The following SLC22A23 variants were observed in gnomAD, a reference collection of about 807,000 sequenced individuals.
SLC22A23 encodes the protein ion transporter protein.
In SLC22A23, 26 loss-of-function variants were observed where a neutral mutation model predicts 61.0. The ratio of observed to expected loss-of-function variants is 0.43; its 90% confidence interval spans 0.31 to 0.59. The LOEUF is 0.59. Among genes scored for constraint, SLC22A23 ranks in the 20% least tolerant of loss-of-function variants. The pLI, the probability that SLC22A23 is intolerant of heterozygous loss-of-function variation, is 0.11. For missense variants in SLC22A23, 796 were observed against 934.7 expected (o/e 0.85, Z 1.94); for synonymous variants, 430 against 413.9 (o/e 1.04, Z -0.47).
At position 3,432,305 on chromosome 6, in the gene SLC22A23, T is replaced by C. The variant is rs573810185; in HGVS notation, c.655-16450A>G. ...GCTCCTTCCACAATCACTCAGGCTT[T>C]GAGGGTAGGCTGGCTGTGAGACTTT... is the stretch of plus-strand genomic sequence containing the variant. On this transcript the variant is annotated intron_variant, in intron 1 of 9. Coordinates refer to ENST00000406686, the MANE Select transcript of SLC22A23 (RefSeq NM_015482.2). The C allele has an allele frequency of 3.6e-4, 359 of 985,446 alleles. 1 individual carries two copies. The highest frequency in any genetic ancestry group is 4.2e-4 in the Non-Finnish European group (352 of 829,920). The allele number at this position is 985,446 out of a possible 1,614,324, so 61.0% of individuals were successfully genotyped here.
Position 3,271,384 on chromosome 6 carries a change from A to T in SLC22A23, c.*1671T>A, listed in dbSNP as rs1180143930. On this transcript the variant is annotated 3_prime_UTR_variant, in exon 10 of 10. Transcript: ENST00000406686. Reference sequence around the variant, plus strand: ...TGCTTGCCCCTTGCTGTGTCTTTACACATCTCCAGGCCCTTACTGATGTGT... The same window carrying T: ...TGCTTGCCCCTTGCTGTGTCTTTACTCATCTCCAGGCCCTTACTGATGTGT... 1 of 152,358 alleles carries T rather than the reference A, an allele frequency of 6.6e-6. No individual in the cohort carries two copies. Among genetic ancestry groups the T allele is most frequent in the African/African-American group, 2.4e-5 (1 of 41,442 alleles). The allele number at this position is 152,358 out of a possible 1,614,324, so 9.4% of individuals were successfully genotyped here. A position where few individuals can be genotyped will look rare whatever the true frequency, so the allele number is the denominator to read the frequency against.
Position 3,289,857 on chromosome 6 carries a change from T to C in SLC22A23, c.1220A>G (p.Lys407Arg). Residue 407 changes from lysine (K) to arginine (R), a missense_variant, in exon 6 of 10, where the codon AAA becomes AGA. Transcript: ENST00000406686. ...CTTCTTGGGCCTCCGGGAAAGCTCT[T>C]TCTCCAGCTCTGCAAAGAAACAGAC... ...DIKGVIPELE[K>R]ELSRRPKKVC... The C allele has an allele frequency of 6.2e-7, 1 of 1,613,958 alleles. No individual in the cohort carries two copies. Among genetic ancestry groups the C allele is most frequent in the South Asian group, 1.1e-5 (1 of 91,052 alleles).
In SLC22A23 at chr6:3,385,250, T is replaced by C. The variant is rs1011189320; in HGVS notation, c.913+24938A>G. The stretch of plus-strand genomic sequence containing the variant: ...AAGATGGGCTGGGCACGGTGGCTCA[T>C]GCCTGTAATCCCAGCACTTTGAGAG... On this transcript the variant is annotated intron_variant, in intron 3 of 9. Coordinates refer to ENST00000406686, the MANE Select transcript of SLC22A23 (RefSeq NM_015482.2). Among the ~76,000 whole-genome samples, 7 of 152,162 alleles carry C rather than the reference T, an allele frequency of 4.6e-5. No individual in the cohort carries two copies. In the East Asian group the frequency reaches 1.3e-3, roughly 29 times the overall value.
intron 2 of SLC22A23, among the ~76,000 whole-genome samples, chr6:3,412,220 C>T (rs192878122): frequency 2.6e-4 from 39 of 152,242 alleles, no homozygotes; most frequent in Admixed American, 2.1e-3. Flanking sequence ...TTTTTTTAAG[C>T]GTGCTGCCTC....
chr6:3,358,982 G>A lies in SLC22A23; in HGVS notation c.914-34980C>T, dbSNP rs375651854. Among the ~76,000 whole-genome samples the A allele has an allele frequency of 3.3e-5, 5 of 152,282 alleles. No homozygotes were observed. In the East Asian group the frequency reaches 7.7e-4, roughly 24 times the overall value. Reference sequence around the variant, plus strand: ...CCACCCATTGCATTTCCATGTCAGCGCCATGTCAGGTGCGCTGTGCCGATG... The same window carrying A: ...CCACCCATTGCATTTCCATGTCAGCACCATGTCAGGTGCGCTGTGCCGATG... On this transcript the variant is annotated intron_variant, in intron 3 of 9. Transcript: ENST00000406686.
chr6:3,285,037 A>G (rs764062670), intron 8 of SLC22A23, 42 bp downstream of exon 8: 1 of 1,608,594 alleles, frequency 6.2e-7, no homozygotes, highest in African/African-American at 1.3e-5. Context: ...ATTTAGATGT[A>G]ATATGAGACG....
In SLC22A23 at chr6:3,362,380, GC is replaced by G. The variant is rs1765514347; in HGVS notation, c.914-38379del. 2.3e-5 allele frequency among the ~76,000 whole-genome samples: 3 copies of G among 129,618 alleles called. No homozygotes were observed. The Admixed American group carries it at 2.6e-4, about 11-fold the overall frequency. The allele number at this position is 129,618 out of a possible 152,430, so 85.0% of individuals were successfully genotyped here. A position where few individuals can be genotyped will look rare whatever the true frequency, so the allele number is the denominator to read the frequency against. ...ATCACACCACTGCACTCCAGGCTGGGCGACAGAGCGAGATTCCGTCTCACAA... is the reference window on the plus strand; with the variant it reads ...ATCACACCACTGCACTCCAGGCTGGGGACAGAGCGAGATTCCGTCTCACAA... On this transcript the variant is annotated intron_variant, in intron 3 of 9. Transcript: ENST00000406686.
At chr6:3,301,177 C>T (rs907912266) in intron 4 of SLC22A23, among the ~76,000 whole-genome samples, 1 of 146,360 alleles carries the variant, frequency 6.8e-6, no homozygotes, top group Non-Finnish European at 1.6e-5. Flanking sequence ...ACAAATGCCA[C>T]CCCCCATAGT....
At chr6:3,285,196 AGC>A in intron 7 of SLC22A23, 85 bp from the exon 8 acceptor site, 4 of 1,568,748 alleles carry the variant, frequency 2.5e-6, no homozygotes, top group Middle Eastern at 2.0e-4. Flanking sequence ...GTGTGGAGTT[AGC>A]CTAGCGTGTT....
At chr6:3,422,367 A>G (rs1022816672) in intron 1 of SLC22A23, among the ~76,000 whole-genome samples, 1 of 152,190 alleles carries the variant, frequency 6.6e-6, no homozygotes, top group Non-Finnish European at 1.5e-5. Context: ...TGAGTCACAG[A>G]CGGACAAAAG....
chr6:3,441,955 G>A (rs1204586552), intron 1 of SLC22A23, among the ~76,000 whole-genome samples: 1 of 152,182 alleles, frequency 6.6e-6, no homozygotes, highest in Non-Finnish European at 1.5e-5. Context: ...GTCCGGAACT[G>A]TCTTCAAGAA....
intron 9 of SLC22A23, among the ~76,000 whole-genome samples, chr6:3,278,170 A>C (rs1467139661): frequency 6.6e-6 from 1 of 152,222 alleles, no homozygotes; most frequent in East Asian, 1.9e-4. Context: ...TTTTGGAGCG[A>C]TTGGTTATGC....
intron 3 of SLC22A23, among the ~76,000 whole-genome samples, chr6:3,337,902 G>A (rs546480027): frequency 6.6e-6 from 1 of 152,318 alleles, no homozygotes; most frequent in African/African-American, 2.4e-5. Context: ...TGGAGAAAGA[G>A]CAGATGCAGG....
chr6:3,301,893 G>A (rs1023735036), intron 4 of SLC22A23, among the ~76,000 whole-genome samples: 8 of 152,178 alleles, frequency 5.3e-5, no homozygotes, highest in African/African-American at 7.2e-5. Context: ...TCCAAAATGC[G>A]GCATATTTGA....
intron 1 of SLC22A23, among the ~76,000 whole-genome samples, chr6:3,455,556 G>A (rs1404105138): frequency 6.6e-6 from 1 of 152,228 alleles, no homozygotes; most frequent in African/African-American, 2.4e-5. Flanking sequence ...GGGCAGAACA[G>A]GGCTGTGGTC....
Position 3,410,037 on chromosome 6 carries a change from T to G in SLC22A23, c.913+151A>C. Reference sequence around the variant, plus strand: ...GTTTCACGGCATCACCTGAAAAGCCTCTTTCACAACACTTGAGGCCTTTAA... The same window carrying G: ...GTTTCACGGCATCACCTGAAAAGCCGCTTTCACAACACTTGAGGCCTTTAA... On this transcript the variant is annotated intron_variant, in intron 3 of 9. Transcript: ENST00000406686. The surrounding 1 kb of genome is among the most constrained non-coding windows in gnomAD (Gnocchi z 5.0). 1 of 852,554 alleles carries G rather than the reference T, an allele frequency of 1.2e-6. No homozygotes were observed. Among genetic ancestry groups the G allele is most frequent in the Non-Finnish European group, 1.8e-6 (1 of 571,320 alleles). 52.8% of individuals were successfully genotyped at this position (852,554 alleles called of 1,614,324 possible).
rs561859395 is a variant in SLC22A23 at position 3,270,875 on chromosome 6, G to C, written c.*2180C>G. The C allele has an allele frequency of 6.6e-6, 1 of 152,014 alleles. No homozygotes were observed. Among genetic ancestry groups the C allele is most frequent in the African/African-American group, 2.4e-5 (1 of 41,348 alleles). The allele number at this position is 152,014 out of a possible 1,614,324, so 9.4% of individuals were successfully genotyped here. A position where few individuals can be genotyped will look rare whatever the true frequency, so the allele number is the denominator to read the frequency against. ...GTTTACACGACCAGTGAGACTGCTCGCAACTTTCATCACTTAGCATATCCT... is the reference window on the plus strand; with the variant it reads ...GTTTACACGACCAGTGAGACTGCTCCCAACTTTCATCACTTAGCATATCCT... On this transcript the variant is annotated 3_prime_UTR_variant, in exon 10 of 10. Coordinates refer to ENST00000406686, the MANE Select transcript of SLC22A23 (RefSeq NM_015482.2).
intron 6 of SLC22A23, among the ~76,000 whole-genome samples, chr6:3,287,669 G>A (rs1012609504): frequency 8.1e-6 from 1 of 123,950 alleles, no homozygotes; most frequent in Non-Finnish European, 1.7e-5. Context: ...GGGTCCACAG[G>A]AAACTGTTTT....
chr6:3,410,481 C>A lies in SLC22A23; in HGVS notation c.759-139G>T. 1.2e-6 allele frequency: 1 copy of A among 813,958 alleles called. No homozygotes were observed. The highest frequency in any genetic ancestry group is 1.8e-5 in the African/African-American group (1 of 56,412). 50.4% of individuals were successfully genotyped at this position (813,958 alleles called of 1,614,324 possible). A position where few individuals can be genotyped will look rare whatever the true frequency, so the allele number is the denominator to read the frequency against. ...AAAAGTCCTGTGCCATCTATACCCA[C>A]TTCACTAGATCCTAGGCTACTATGG... On this transcript the variant is annotated intron_variant, in intron 2 of 9. Coordinates refer to ENST00000406686, the MANE Select transcript of SLC22A23 (RefSeq NM_015482.2). This position sits in a 1 kb window ranked among gnomAD's most constrained non-coding sequence, Gnocchi z 5.0.
Sources: gnomAD v4.1 joint callset for allele counts (sites outside exome capture counted in the v4.1 genomes callset) on GRCh38, gnomAD v4.1.1 for gene constraint, Gnocchi (gnomAD v3.1) non-coding constraint, MANE v1.5 for transcripts, NCBI Gene and HGNC (gene_info 2026-07-23, HGNC 2026-07-21) for gene names.